Variants in SYT14 observed in about 807,000 individuals in gnomAD.
The protein encoded by SYT14 is synaptotagmin 14, also known as synaptotagmin-14.
Under a neutral mutation model 74.2 loss-of-function variants are expected in SYT14, and 32 were observed. That is an observed-to-expected ratio of 0.43 (90% CI 0.33 to 0.58). SYT14 has a LOEUF of 0.58. Ranked by LOEUF, SYT14 falls within the 20% of genes least tolerant of loss-of-function variation. The pLI, the probability that SYT14 is intolerant of heterozygous loss-of-function variation, is 0.05. For missense variants in SYT14, 791 were observed against 981.8 expected (o/e 0.81, Z 2.60); for synonymous variants, 298 against 337.7 (o/e 0.88, Z 1.29).
intron 5 of SYT14, among the ~76,000 whole-genome samples, chr1:210,048,859 G>A (rs561208887): frequency 1.8e-4 from 28 of 152,276 alleles, no homozygotes; most frequent in African/African-American, 6.7e-4. Context: ...AGATACAATG[G>A]GGGTACAGGC....
At chr1:209,967,145 T>C (rs1307829585) in intron 2 of SYT14, among the ~76,000 whole-genome samples, 1 of 152,206 alleles carries the variant, frequency 6.6e-6, no homozygotes, top group East Asian at 1.9e-4. Flanking sequence ...AAACCAACCT[T>C]ACATTTATGA....
At chr1:209,984,810 C>T (rs985908559) in intron 2 of SYT14, among the ~76,000 whole-genome samples, 1 of 152,126 alleles carries the variant, frequency 6.6e-6, no homozygotes, top group Admixed American at 6.5e-5. Flanking sequence ...TTTACTCATG[C>T]TGGAAGGGAA....
At chr1:210,040,684 T>C (rs1044897824) in intron 5 of SYT14, among the ~76,000 whole-genome samples, 2 of 152,176 alleles carry the variant, frequency 1.3e-5, no homozygotes, top group Admixed American at 6.6e-5. Context: ...ATTAATTCTA[T>C]GTCTTTATGG....
intron 2 of SYT14, among the ~76,000 whole-genome samples, chr1:209,979,162 C>G (rs6682542): frequency 6.6e-6 from 1 of 152,204 alleles, no homozygotes; most frequent in East Asian, 1.9e-4. Context: ...CTGGGTGAGG[C>G]GATGCCTCGC....
chr1:209,955,034 G>A (rs534728228), intron 2 of SYT14, among the ~76,000 whole-genome samples: 1 of 152,000 alleles, frequency 6.6e-6, no homozygotes, highest in Non-Finnish European at 1.5e-5. Flanking sequence ...TTACCTCTTT[G>A]ACTGTTTCTG....
chr1:210,135,289 C>CT lies in SYT14; in HGVS notation c.2035-20424dup, dbSNP rs539742919. On this transcript the variant is annotated intron_variant, in intron 7 of 9. Coordinates refer to ENST00000637265, the Ensembl canonical transcript of SYT14. ...GAGCCACCGCACCTGGCTTCCCTGT[C>CT]TTTTTTTTCCTCTGTGGTTTGATTT... Among the ~76,000 whole-genome samples the CT allele has an allele frequency of 5.2e-4, 79 of 152,100 alleles. No individual in the cohort carries two copies. In the South Asian group the frequency reaches 0.016, roughly 30 times the overall value.
At chr1:209,990,571 G>GTATATATATACGTATATATA (rs1163976090) in intron 2 of SYT14, among the ~76,000 whole-genome samples, 1 of 23,062 alleles carries the variant, frequency 4.3e-5, no homozygotes, top group African/African-American at 8.2e-5. Context: ...GTATATATAT[G>GTATATATATACGTATATATA]TATGTATATT....
At chr1:210,008,366 A>AT (rs11382937) in intron 2 of SYT14, among the ~76,000 whole-genome samples, 51,311 of 149,900 alleles carry the variant, frequency 0.34, 9,616 homozygotes, top group Non-Finnish European at 0.42. Flanking sequence ...TTTAAATAGA[A>AT]TTTTTTTTTT....
At chr1:209,949,554 A>T (rs2078878681) in intron 1 of SYT14, among the ~76,000 whole-genome samples, 1 of 148,174 alleles carries the variant, frequency 6.7e-6, no homozygotes, top group African/African-American at 2.6e-5. Context: ...GCCTGGCGAC[A>T]GAGTGAGACT....
intron 7 of SYT14, among the ~76,000 whole-genome samples, chr1:210,129,276 T>C (rs1253120583): frequency 2.0e-5 from 3 of 152,134 alleles, no homozygotes; most frequent in Non-Finnish European, 2.9e-5. Flanking sequence ...ATTACCAAGG[T>C]GCTGGTTTCT....
intron 7 of SYT14, among the ~76,000 whole-genome samples, chr1:210,147,787 A>T (rs542812858): frequency 2.8e-4 from 42 of 152,190 alleles, no homozygotes; most frequent in African/African-American, 9.6e-4. Context: ...GTGAGAAAGG[A>T]GGTGTACTAT....
chr1:210,083,066 C>CACCTCCCA (rs1159669970), intron 5 of SYT14, among the ~76,000 whole-genome samples: 3 of 151,968 alleles, frequency 2.0e-5, no homozygotes, highest in Non-Finnish European at 2.9e-5. Flanking sequence ...TTGCAACCTC[C>CACCTCCCA]ACCTCCCAGG....
chr1:209,958,243 C>T (rs1405199941), intron 2 of SYT14, among the ~76,000 whole-genome samples: 1 of 152,056 alleles, frequency 6.6e-6, no homozygotes, highest in African/African-American at 2.4e-5. Context: ...ATTTCTGTTC[C>T]ATTAATCAAT....
At chr1:210,043,894 G>T (rs1472374696) in intron 5 of SYT14, among the ~76,000 whole-genome samples, 1 of 152,130 alleles carries the variant, frequency 6.6e-6, no homozygotes, top group Non-Finnish European at 1.5e-5. Context: ...AGTTGAATCT[G>T]TCTCACAGAC....
intron 2 of SYT14, among the ~76,000 whole-genome samples, chr1:209,980,290 T>G (rs1161479767): frequency 6.6e-6 from 1 of 151,642 alleles, no homozygotes; most frequent in Non-Finnish European, 1.5e-5. Flanking sequence ...TTCTTTGCCT[T>G]TTTAATGGTT....
At chr1:209,938,272 T>A in exon 1 of SYT14, 1 of 1,558,560 alleles carries the variant, frequency 6.4e-7, no homozygotes, top group Non-Finnish European at 8.7e-7. Flanking sequence ...ATCATGGCGA[T>A]TGAAGGTAAG....
intron 5 of SYT14, among the ~76,000 whole-genome samples, chr1:210,032,635 C>A (rs2080565341): frequency 7.0e-6 from 1 of 141,906 alleles, no homozygotes; most frequent in African/African-American, 2.8e-5. Context: ...ATTAAAGTGA[C>A]TCTGACTCTA....
chr1:210,003,688 G>C (rs2079941278), intron 2 of SYT14, among the ~76,000 whole-genome samples: 1 of 152,076 alleles, frequency 6.6e-6, no homozygotes, highest in African/African-American at 2.4e-5. Flanking sequence ...AGATCATACT[G>C]TTCTGGAAAG....
rs11365249 is a variant in SYT14, at chr1:210,139,090, A to AT, written c.2035-16617dup. ...TTTTATTTTTTTAAAGAGTACTTTTATTTTTTTTTTTTTTGAGACAGAGTC... is the reference window on the plus strand; with the variant it reads ...TTTTATTTTTTTAAAGAGTACTTTTATTTTTTTTTTTTTTTGAGACAGAGTC... On this transcript the variant is annotated intron_variant, in intron 7 of 9. Coordinates refer to ENST00000637265, the Ensembl canonical transcript of SYT14. Among the ~76,000 whole-genome samples the AT allele has an allele frequency of 3.7e-3, 502 of 135,204 alleles. 10 individuals carry two copies. The East Asian group carries it at 0.039, about 10-fold the overall frequency. The allele number at this position is 135,204 out of a possible 152,430, so 88.7% of individuals were successfully genotyped here.
Sources: allele counts gnomAD v4.1 joint callset (sites outside exome capture counted in the v4.1 genomes callset), GRCh38; gene constraint gnomAD v4.1.1; transcripts MANE v1.5; gene names NCBI Gene and HGNC (gene_info 2026-07-23, HGNC 2026-07-21).